Variants in DYM observed in about 807,000 individuals in gnomAD.
DYM encodes dyggve-Melchior-Clausen syndrome protein.
Under a neutral mutation model 93.1 loss-of-function variants are expected in DYM, and 78 were observed. The observed-to-expected ratio is 0.84, with a 90% CI of 0.70 to 1.01. DYM has a LOEUF of 1.01. Among genes scored for constraint, DYM ranks in the 50% least tolerant of loss-of-function variants. The pLI is 0.00. For missense variants in DYM, 789 were observed against 845.0 expected, an observed-to-expected ratio of 0.93 and a Z score of 0.82; for synonymous variants, 321 against 319.7, an observed-to-expected ratio of 1.00 and a Z score of -0.04.
rs192200674 is a variant in DYM, at chr18:49,274,208, A to T, written c.1126-1905T>A. On this transcript the variant is annotated intron_variant, in intron 10 of 17. Coordinates refer to ENST00000675505, the MANE Select transcript of DYM (RefSeq NM_001353214.3). ...CAAAGGAACCACTTTCTGTCTCTAT[A>T]ATTTCCCTATTCTGGACTTCCGTAT... 1.4e-3 allele frequency among the ~76,000 whole-genome samples: 213 copies of T among 152,044 alleles called. 3 individuals are homozygous for T. The highest frequency in any genetic ancestry group is 6.6e-4 in the Non-Finnish European group (45 of 67,954).
At chr18:49,204,610 G>T (rs149537678) in intron 14 of DYM, among the ~76,000 whole-genome samples, 1 of 152,294 alleles carries the variant, frequency 6.6e-6, no homozygotes, top group African/African-American at 2.4e-5. Flanking sequence ...GTATTGGTCT[G>T]TTACCTAAAG....
Position 49,286,513 on chromosome 18 carries a change from C to T in DYM, c.867G>A (p.Leu289=). 6.2e-7 allele frequency: 1 copy of T among 1,614,132 alleles called. No individual in the cohort carries two copies. Among genetic ancestry groups the T allele is most frequent in the African/African-American group, 1.3e-5 (1 of 75,042 alleles). Reference sequence around the variant, plus strand: ...AGGCATCTGTCAGATTGGCCAACACCAGCAGAAGCAGGAGACTCTGGTTGG... The same window carrying T: ...AGGCATCTGTCAGATTGGCCAACACTAGCAGAAGCAGGAGACTCTGGTTGG... The part of the protein sequence containing the change: ...PLANQSLLLL[L]VLANLTDASD... Residue 289 remains leucine (L), a synonymous_variant, in exon 9 of 18, where the codon CTG becomes CTA. Transcript: ENST00000675505.
At chr18:49,415,927 C>CAAAAAAAAAAAAAAAAAAAAAAAAAAAA (rs80304487) in intron 2 of DYM, among the ~76,000 whole-genome samples, 1 of 84,492 alleles carries the variant, frequency 1.2e-5, no homozygotes. Context: ...AACTCTGACT[C>CAAAAAAAAAAAAAAAAAAAAAAAAAAAA]AAAAAAAAAA....
At chr18:49,259,636 T>C (rs1485265339) in intron 11 of DYM, among the ~76,000 whole-genome samples, 1 of 152,216 alleles carries the variant, frequency 6.6e-6, no homozygotes, top group African/African-American at 2.4e-5. Context: ...AACATTATTG[T>C]TGATTTTATT....
chr18:49,145,134 T>TATATATATATATATATATATATAA (rs1555778609), intron 15 of DYM, among the ~76,000 whole-genome samples: 2,505 of 79,154 alleles, frequency 0.032, 412 homozygotes, highest in Non-Finnish European at 0.044. Context: ...TATATATATA[T>TATATATATATATATATATATATAA]AATTTATATA....
chr18:49,144,393 G>C (rs1040472508), intron 15 of DYM, among the ~76,000 whole-genome samples: 5 of 152,066 alleles, frequency 3.3e-5, no homozygotes, highest in African/African-American at 1.2e-4. Context: ...CTTTACGTAA[G>C]TTTGCAGTCA....
intron 17 of DYM, among the ~76,000 whole-genome samples, chr18:49,073,715 G>C (rs531835503): frequency 1.3e-5 from 2 of 152,176 alleles, no homozygotes; most frequent in Non-Finnish European, 2.9e-5. Context: ...TTCACCCACC[G>C]ATAATAACCA....
chr18:49,255,940 C>T (rs942952255), intron 13 of DYM, among the ~76,000 whole-genome samples: 9 of 151,338 alleles, frequency 5.9e-5, no homozygotes, highest in Admixed American at 4.0e-4. Context: ...AAAAATTAGC[C>T]GGGTGTGGTG....
chr18:49,322,460 TAAAAG>T (rs2062563956), intron 8 of DYM, among the ~76,000 whole-genome samples: 1 of 151,680 alleles, frequency 6.6e-6, no homozygotes, highest in Admixed American at 6.6e-5. Flanking sequence ...AAAAATATAT[TAAAAG>T]AAAAGTCCAA....
intron 16 of DYM, among the ~76,000 whole-genome samples, chr18:49,101,304 C>T (rs1038303693): frequency 6.6e-6 from 1 of 152,254 alleles, no homozygotes. Flanking sequence ...TTTTCCAAAG[C>T]GCATGTTTTA....
rs1033156209 is a variant in DYM, at chr18:49,244,192, A to T, written c.1460+12818T>A. Reference sequence around the variant, plus strand: ...ATTTAGAGGGTATTTGCTACGTATGACTATCTCCTTGGGAGAACTGAGGAA... The same window carrying T: ...ATTTAGAGGGTATTTGCTACGTATGTCTATCTCCTTGGGAGAACTGAGGAA... On this transcript the variant is annotated intron_variant, in intron 13 of 17. Coordinates refer to ENST00000675505, the MANE Select transcript of DYM (RefSeq NM_001353214.3). 2.4e-4 allele frequency among the ~76,000 whole-genome samples: 36 copies of T among 152,126 alleles called. 1 individual carries two copies. The highest frequency in any genetic ancestry group is 8.4e-4 in the African/African-American group (35 of 41,430).
Position 49,272,029 on chromosome 18 carries a change from G to A in DYM, c.1251+149C>T, listed in dbSNP as rs571736511. The A allele has an allele frequency of 1.1e-3, 431 of 386,642 alleles. 1 individual carries two copies. Among genetic ancestry groups the A allele is most frequent in the South Asian group, 2.0e-3 (41 of 20,610 alleles). The allele number at this position is 386,642 out of a possible 1,614,324, so 24.0% of individuals were successfully genotyped here. ...TGGAAAAAAAAAAAAAAAAAGCACC[G>A]CTTCATAAATCTGAAGAAAGACATA... On this transcript the variant is annotated intron_variant, in intron 11 of 17. Transcript: ENST00000675505.
intron 6 of DYM, among the ~76,000 whole-genome samples, chr18:49,341,928 T>C (rs1363501770): frequency 6.6e-6 from 1 of 152,202 alleles, no homozygotes; most frequent in African/African-American, 2.4e-5. Flanking sequence ...TGTATTAGTT[T>C]TACATTGCTG....
intron 17 of DYM, among the ~76,000 whole-genome samples, chr18:49,056,756 C>T (rs1167237427): frequency 1.3e-5 from 2 of 151,600 alleles, no homozygotes; most frequent in South Asian, 2.1e-4. Context: ...ACCATGTTAG[C>T]CAGGATGGTC....
At chr18:49,240,277 G>T (rs974934983) in intron 13 of DYM, among the ~76,000 whole-genome samples, 1 of 151,858 alleles carries the variant, frequency 6.6e-6, no homozygotes, top group Non-Finnish European at 1.5e-5. Flanking sequence ...TTTTCTCAGG[G>T]CCCCTTTCAA....
At chr18:49,427,018 A>G (rs916489485) in intron 2 of DYM, among the ~76,000 whole-genome samples, 8 of 152,222 alleles carry the variant, frequency 5.3e-5, no homozygotes, top group African/African-American at 1.9e-4. Context: ...TATTAAATGT[A>G]GAAATGACCA....
At position 49,036,399 on chromosome 18, in the gene DYM, AAAC is replaced by A. The variant is rs1345936341; in HGVS notation, c.*7653_*7655del. Among the ~76,000 whole-genome samples the A allele has an allele frequency of 1.3e-5, 2 of 152,092 alleles. No individual in the cohort carries two copies. The highest frequency in any genetic ancestry group is 1.3e-4 in the Admixed American group (2 of 15,254). ...TTTGTTCATTTTATGCAAAATCTAA[AAAC>A]AACTTTAATGAGGCATACTTAATAT... On this transcript the variant is annotated 3_prime_UTR_variant, in exon 18 of 18. Transcript: ENST00000675505.
At chr18:49,115,283 T>C (rs1486100898) in intron 16 of DYM, among the ~76,000 whole-genome samples, 5 of 152,212 alleles carry the variant, frequency 3.3e-5, no homozygotes, top group Non-Finnish European at 7.3e-5. Context: ...ATGTGTAATA[T>C]TGCAGCTACT....
At chr18:49,087,949 T>TG (rs1370962918) in intron 17 of DYM, among the ~76,000 whole-genome samples, 1 of 152,348 alleles carries the variant, frequency 6.6e-6, no homozygotes, top group Non-Finnish European at 1.5e-5. Flanking sequence ...ATCCTGTGCC[T>TG]GCTTTTTGAT....
Sources: gnomAD v4.1 joint callset for allele counts (sites outside exome capture counted in the v4.1 genomes callset) on GRCh38, gnomAD v4.1.1 for gene constraint, MANE v1.5 for transcripts, NCBI Gene and HGNC (gene_info 2026-07-23, HGNC 2026-07-21) for gene names.